Variants in SINHCAF observed in about 807,000 individuals in gnomAD.
SINHCAF encodes the protein SIN3-HDAC complex associated factor.
Under a neutral mutation model 25.8 loss-of-function variants are expected in SINHCAF, and 3 were observed. The observed-to-expected ratio is 0.12, with a 90% confidence interval of 0.05 to 0.30. The LOEUF is 0.30. Among genes scored for constraint, SINHCAF ranks in the 10% least tolerant of loss-of-function variants. SINHCAF has a pLI of 1.00. For synonymous variants in SINHCAF, 70 were observed against 85.5 expected (o/e 0.82, Z 1.00); for missense variants, 121 against 262.3 (o/e 0.46, Z 3.72).
intron 1 of SINHCAF, among the ~76,000 whole-genome samples, chr12:31,312,281 G>A (rs1052893951): frequency 1.3e-5 from 2 of 152,066 alleles, no homozygotes; most frequent in African/African-American, 4.8e-5. Context: ...TCCATTCTAG[G>A]GTCGATAGAC....
intron 3 of SINHCAF, 33 bp from the exon 4 acceptor site, chr12:31,293,964 T>C: frequency 6.5e-7 from 1 of 1,550,350 alleles, no homozygotes; most frequent in Non-Finnish European, 8.7e-7. Flanking sequence ...TAATAATATT[T>C]TTAAAATGAC....
At chr12:31,319,667 T>C (rs1489342515) in intron 1 of SINHCAF, among the ~76,000 whole-genome samples, 1 of 152,184 alleles carries the variant, frequency 6.6e-6, no homozygotes, top group Middle Eastern at 3.2e-3. Context: ...TTCTCTCTTT[T>C]TTTCCTCTTA....
At chr12:31,302,922 T>C (rs1273544874) in intron 1 of SINHCAF, 3 of 985,044 alleles carry the variant, frequency 3.0e-6, no homozygotes, top group Admixed American at 6.1e-5. Flanking sequence ...CCTTAGTTAA[T>C]AGGCCATGGT....
intron 1 of SINHCAF, chr12:31,303,278 GATC>G (rs921693444): frequency 4.3e-5 from 40 of 937,374 alleles, no homozygotes; most frequent in Non-Finnish European, 4.5e-5. Flanking sequence ...GAACACAAAT[GATC>G]ATACTTCATG....
Position 31,281,401 on chromosome 12 carries a change from G to T in SINHCAF, c.*1311C>A, listed in dbSNP as rs1278788329. 2.6e-5 allele frequency: 4 copies of T among 152,140 alleles called. No homozygotes were observed. Among genetic ancestry groups the T allele is most frequent in the Non-Finnish European group, 5.9e-5 (4 of 68,012 alleles). 9.4% of individuals were successfully genotyped at this position (152,140 alleles called of 1,614,324 possible). ...GTTTTACTTTTAATACAGAGTGAAA[G>T]AAAATAAAAATTTAATAGGCTAAAA... is the stretch of plus-strand genomic sequence containing the variant. On this transcript the variant is annotated 3_prime_UTR_variant, in exon 6 of 6. Transcript: ENST00000337682.
intron 5 of SINHCAF, among the ~76,000 whole-genome samples, chr12:31,286,814 G>A (rs1938101340): frequency 6.6e-6 from 1 of 152,170 alleles, no homozygotes; most frequent in South Asian, 2.1e-4. Flanking sequence ...AAAAATGCTT[G>A]GGGCCTATGC....
chr12:31,284,965 A>G (rs954695739), intron 5 of SINHCAF, among the ~76,000 whole-genome samples: 11 of 152,126 alleles, frequency 7.2e-5, no homozygotes, highest in African/African-American at 2.4e-4. Context: ...TTAGCTTGTA[A>G]AGTTCCATAA....
At chr12:31,301,750 A>C (rs377519947) in intron 1 of SINHCAF, among the ~76,000 whole-genome samples, 59 of 151,920 alleles carry the variant, frequency 3.9e-4, no homozygotes, top group African/African-American at 1.2e-3. Context: ...ATGTTTAAAA[A>C]AACAACAAAA....
At chr12:31,299,629 AT>A (rs1938702659) in intron 1 of SINHCAF, among the ~76,000 whole-genome samples, 1 of 152,170 alleles carries the variant, frequency 6.6e-6, no homozygotes, top group Non-Finnish European at 1.5e-5. Flanking sequence ...AAAATTATTA[AT>A]ATCACTTTCG....
chr12:31,325,469 G>A lies in SINHCAF; in HGVS notation c.-21+555C>T. The A allele has an allele frequency of 2.9e-6, 1 of 346,424 alleles. No individual in the cohort carries two copies. The highest frequency in any genetic ancestry group is 5.7e-6 in the Non-Finnish European group (1 of 174,200). The allele number at this position is 346,424 out of a possible 1,614,324, so 21.5% of individuals were successfully genotyped here. A position where few individuals can be genotyped will look rare whatever the true frequency, so the allele number is the denominator to read the frequency against. Reference sequence around the variant, plus strand: ...TCGGCCGCCAGCTCGGAAGCGGATGGCAACTTAGTTTCCGAGCGAATGGCG... The same window carrying A: ...TCGGCCGCCAGCTCGGAAGCGGATGACAACTTAGTTTCCGAGCGAATGGCG... On this transcript the variant is annotated intron_variant, in intron 1 of 5. Transcript: ENST00000337682. This position sits in a 1 kb window ranked among gnomAD's most constrained non-coding sequence, Gnocchi z 5.9.
At chr12:31,299,382 T>C (rs1473707985) in intron 1 of SINHCAF, among the ~76,000 whole-genome samples, 4 of 152,030 alleles carry the variant, frequency 2.6e-5, no homozygotes, top group Non-Finnish European at 4.4e-5. Flanking sequence ...GGTGGCGCGA[T>C]CTAGGCTCAC....
chr12:31,314,780 G>C (rs189112692), intron 1 of SINHCAF, among the ~76,000 whole-genome samples: 3 of 152,250 alleles, frequency 2.0e-5, no homozygotes, highest in African/African-American at 7.2e-5. Flanking sequence ...TTCCATCCTG[G>C]TCTGCATATA....
chr12:31,302,700 T>C (rs545481977), intron 1 of SINHCAF, among the ~76,000 whole-genome samples: 1 of 152,130 alleles, frequency 6.6e-6, no homozygotes, highest in Non-Finnish European at 1.5e-5. Context: ...TCGATTTGAC[T>C]GGTATTCAGT....
At chr12:31,301,839 CA>C (rs1403263982) in intron 1 of SINHCAF, among the ~76,000 whole-genome samples, 1 of 151,878 alleles carries the variant, frequency 6.6e-6, no homozygotes, top group East Asian at 1.9e-4. Flanking sequence ...ATATATTTAA[CA>C]AAGTACTGGG....
At chr12:31,308,160 T>C (rs989534881) in intron 1 of SINHCAF, among the ~76,000 whole-genome samples, 11 of 152,182 alleles carry the variant, frequency 7.2e-5, no homozygotes, top group Non-Finnish European at 1.5e-4. Flanking sequence ...GTGCTGGTCT[T>C]GAACGCCTAG....
intron 1 of SINHCAF, among the ~76,000 whole-genome samples, chr12:31,300,764 C>G (rs1938757350): frequency 6.6e-6 from 1 of 152,090 alleles, no homozygotes; most frequent in Non-Finnish European, 1.5e-5. Flanking sequence ...ATACGGCCCT[C>G]GTCCTCACAC....
In SINHCAF at chr12:31,308,780, T is replaced by C. The variant is rs1939137820; in HGVS notation, c.-20-10556A>G. Among the ~76,000 whole-genome samples, 3 of 152,114 alleles carry C rather than the reference T, an allele frequency of 2.0e-5. No individual in the cohort carries two copies. The South Asian group carries it at 6.2e-4, about 32-fold the overall frequency. ...CAGGAAAAGGCAAACAAATACTGAC[T>C]ACCTAGATGTATAGGGATGCTTTAA... On this transcript the variant is annotated intron_variant, in intron 1 of 5. Transcript: ENST00000337682.
intron 1 of SINHCAF, chr12:31,312,077 A>C: frequency 2.0e-6 from 1 of 506,120 alleles, no homozygotes; most frequent in Non-Finnish European, 3.8e-6. Context: ...CATCCCAGTC[A>C]CTGTTCCCTG....
chr12:31,291,842 A>C (rs764580664), intron 4 of SINHCAF, among the ~76,000 whole-genome samples: 4 of 152,180 alleles, frequency 2.6e-5, no homozygotes, highest in African/African-American at 4.8e-5. Context: ...AGAAGCAAAC[A>C]CATAACCAGA....
Sources: gnomAD v4.1 joint callset for allele counts (sites outside exome capture counted in the v4.1 genomes callset) on GRCh38, gnomAD v4.1.1 for gene constraint, Gnocchi (gnomAD v3.1) non-coding constraint, MANE v1.5 for transcripts, NCBI Gene and HGNC (gene_info 2026-07-23, HGNC 2026-07-21) for gene names.